MDGA2: variants seen among roughly 807,000 people sequenced by gnomAD.
MDGA2 encodes MAM domain containing glycosylphosphatidylinositol anchor 2.
A neutral mutation model predicts 117.8 loss-of-function variants in MDGA2; 40 were observed. That is an observed-to-expected ratio of 0.34 (90% CI 0.26 to 0.44). MDGA2 has a LOEUF of 0.44. MDGA2 is among the 20% of genes least tolerant of loss of function. The pLI, the probability that MDGA2 is intolerant of heterozygous loss-of-function variation, is 1.00. For synonymous variants in MDGA2, 452 were observed against 439.0 expected (o/e 1.03, Z -0.37); for missense variants, 1,123 against 1,250.6 (o/e 0.90, Z 1.54).
intron 1 of MDGA2, among the ~76,000 whole-genome samples, chr14:47,335,857 A>T (rs1359315711): frequency 1.3e-5 from 2 of 150,288 alleles, no homozygotes; most frequent in Non-Finnish European, 3.0e-5. Context: ...AACTCAGGAG[A>T]AAGTGGACTT....
intron 1 of MDGA2, among the ~76,000 whole-genome samples, chr14:47,309,322 C>T (rs139779237): frequency 6.6e-4 from 100 of 152,190 alleles, no homozygotes; most frequent in Middle Eastern, 3.4e-3. Flanking sequence ...AACCTCCCAC[C>T]GCCATGTTTG....
At chr14:47,516,415 T>C (rs770509262) in intron 1 of MDGA2, among the ~76,000 whole-genome samples, 3 of 152,154 alleles carry the variant, frequency 2.0e-5, no homozygotes, top group Non-Finnish European at 4.4e-5. Context: ...AACTTATTCT[T>C]AGCGTGTGGA....
At chr14:46,989,286 T>TC (rs923918977) in intron 8 of MDGA2, among the ~76,000 whole-genome samples, 6 of 148,852 alleles carry the variant, frequency 4.0e-5, no homozygotes, top group East Asian at 4.0e-4. Flanking sequence ...AAAATGGAAC[T>TC]CCCCCCACAC....
rs147191253 is a variant in MDGA2, at chr14:47,258,452, A to G, written c.421-40257T>C. Among the ~76,000 whole-genome samples, 227 of 152,166 alleles carry G rather than the reference A, an allele frequency of 1.5e-3. 2 individuals are homozygous for G. The highest frequency in any genetic ancestry group is 3.4e-3 in the Middle Eastern group (1 of 294). Reference sequence around the variant, plus strand: ...AACAACCAGATCTGAGAACTCACTCACTATCACAAGAACAGCAAGGAAGAA... The same window carrying G: ...AACAACCAGATCTGAGAACTCACTCGCTATCACAAGAACAGCAAGGAAGAA... On this transcript the variant is annotated intron_variant, in intron 2 of 16. Transcript: ENST00000399232.
intron 7 of MDGA2, among the ~76,000 whole-genome samples, chr14:47,056,104 T>TA (rs1218131175): frequency 6.6e-6 from 1 of 152,160 alleles, no homozygotes; most frequent in Non-Finnish European, 1.5e-5. Flanking sequence ...ACCTATTCCT[T>TA]ACTATAGCCA....
At chr14:47,612,912 C>G (rs747123158) in intron 1 of MDGA2, among the ~76,000 whole-genome samples, 9 of 152,264 alleles carry the variant, frequency 5.9e-5, no homozygotes, top group Middle Eastern at 3.4e-3. Flanking sequence ...AGTTTATTAG[C>G]AGGACCTAAT....
chr14:47,608,369 T>G (rs771204223), intron 1 of MDGA2, among the ~76,000 whole-genome samples: 6 of 152,130 alleles, frequency 3.9e-5, no homozygotes, highest in Non-Finnish European at 7.4e-5. Context: ...TCAACTTTTG[T>G]GTAGGTCCCA....
At chr14:47,411,472 T>G (rs955875190) in intron 1 of MDGA2, among the ~76,000 whole-genome samples, 2 of 152,180 alleles carry the variant, frequency 1.3e-5, no homozygotes, top group Non-Finnish European at 2.9e-5. Context: ...CCAAACTTTG[T>G]ATTCCCTTAA....
chr14:47,359,676 G>T (rs1415440872), intron 1 of MDGA2, among the ~76,000 whole-genome samples: 1 of 145,284 alleles, frequency 6.9e-6, no homozygotes, highest in Non-Finnish European at 1.5e-5. Flanking sequence ...ACTTGAACCT[G>T]AGAGGTGGAG....
At chr14:47,263,978 A>G (rs551481593) in intron 2 of MDGA2, among the ~76,000 whole-genome samples, 1 of 152,256 alleles carries the variant, frequency 6.6e-6, no homozygotes, top group African/African-American at 2.4e-5. Flanking sequence ...ATTTTGTAAC[A>G]GGTTTAGCCA....
At chr14:46,963,073 A>C (rs1317181097) in intron 8 of MDGA2, among the ~76,000 whole-genome samples, 1 of 152,112 alleles carries the variant, frequency 6.6e-6, no homozygotes, top group African/African-American at 2.4e-5. Flanking sequence ...GAATATAGTG[A>C]AGCATTTTTT....
chr14:47,088,222 T>A (rs1188268566), intron 6 of MDGA2, among the ~76,000 whole-genome samples: 1 of 152,026 alleles, frequency 6.6e-6, no homozygotes, highest in African/African-American at 2.4e-5. Context: ...TGATAATTTT[T>A]AGATTTTATA....
At chr14:47,228,838 T>A (rs1886594413) in intron 2 of MDGA2, among the ~76,000 whole-genome samples, 1 of 152,208 alleles carries the variant, frequency 6.6e-6, no homozygotes, top group Non-Finnish European at 1.5e-5. Flanking sequence ...TGTTGAATTA[T>A]GACAACTCTT....
In MDGA2 at chr14:46,841,893, T is replaced by C. The variant is rs1880626855; in HGVS notation, c.*38A>G. The stretch of plus-strand genomic sequence containing the variant: ...TACAAAGACTCTTTCTTCATGCCAG[T>C]GCCTGGTGAATCTTTTATAGCCTCT... On this transcript the variant is annotated 3_prime_UTR_variant, in exon 17 of 17. Coordinates refer to ENST00000399232, the MANE Select transcript of MDGA2 (RefSeq NM_001113498.3). The C allele has an allele frequency of 7.3e-7, 1 of 1,364,010 alleles. No homozygotes were observed. Among genetic ancestry groups the C allele is most frequent in the African/African-American group, 1.4e-5 (1 of 69,082 alleles). 84.5% of individuals were successfully genotyped at this position (1,364,010 alleles called of 1,614,324 possible). A position where few individuals can be genotyped will look rare whatever the true frequency, so the allele number is the denominator to read the frequency against.
intron 3 of MDGA2, among the ~76,000 whole-genome samples, chr14:47,197,046 T>A (rs1885311873): frequency 1.3e-5 from 2 of 152,336 alleles, no homozygotes; most frequent in South Asian, 4.1e-4. Context: ...ATGTACCACA[T>A]TTTCCTTATC....
intron 8 of MDGA2, among the ~76,000 whole-genome samples, chr14:46,980,710 A>G (rs1032138666): frequency 1.3e-5 from 2 of 152,208 alleles, no homozygotes; most frequent in Non-Finnish European, 2.9e-5. Flanking sequence ...AGCCATAAAC[A>G]TCAAGGCAAG....
chr14:47,177,315 G>A (rs1052795275), intron 3 of MDGA2, among the ~76,000 whole-genome samples: 19 of 151,816 alleles, frequency 1.3e-4, no homozygotes, highest in Non-Finnish European at 1.0e-4. Context: ...ATACCCAAAG[G>A]ATTATAAATC....
At chr14:46,877,706 C>G (rs1022169078) in intron 11 of MDGA2, among the ~76,000 whole-genome samples, 197 bp from the exon 12 acceptor site, 56 of 151,822 alleles carry the variant, frequency 3.7e-4, no homozygotes, top group African/African-American at 1.3e-3. Flanking sequence ...CTTTGGAGCT[C>G]AGCAATAACA....
intron 8 of MDGA2, among the ~76,000 whole-genome samples, chr14:46,990,025 C>T (rs1462801280): frequency 6.6e-6 from 1 of 152,050 alleles, no homozygotes; most frequent in Non-Finnish European, 1.5e-5. Context: ...AAAGAATACT[C>T]TTCTATATAA....
Sources: allele counts gnomAD v4.1 joint callset (sites outside exome capture counted in the v4.1 genomes callset), GRCh38; gene constraint gnomAD v4.1.1; transcripts MANE v1.5; gene names NCBI Gene and HGNC (gene_info 2026-07-23, HGNC 2026-07-21).